Variants in CELF5 observed in about 807,000 individuals in gnomAD.
The protein encoded by CELF5 is CUGBP Elav-like family member 5.
In CELF5, 6 loss-of-function variants were observed where a neutral mutation model predicts 54.9. The observed-to-expected ratio is 0.11, with a 90% CI of 0.06 to 0.22. The LOEUF is 0.22. CELF5 is among the 10% of genes least tolerant of loss of function. The pLI, the probability that CELF5 is intolerant of heterozygous loss-of-function variation, is 1.00. For missense variants in CELF5, 401 were observed against 678.6 expected (o/e 0.59, Z 4.54); for synonymous variants, 271 against 290.9 (o/e 0.93, Z 0.70).
chr19:3,284,814 G>A (rs2145279922), intron 8 of CELF5, 88 bp from the exon 9 acceptor site: 6 of 1,149,152 alleles, frequency 5.2e-6, no homozygotes, highest in East Asian at 2.4e-5. Flanking sequence ...CGGGGTGTTT[G>A]TTGCTGTCCT....
chr19:3,239,114 T>C (rs2145011541), intron 1 of CELF5, among the ~76,000 whole-genome samples: 1 of 152,254 alleles, frequency 6.6e-6, no homozygotes. Flanking sequence ...ATTTTAATTT[T>C]TTTGAGACAG....
chr19:3,228,780 G>A lies in CELF5; in HGVS notation c.259+3782G>A, dbSNP rs1917087619. Among the ~76,000 whole-genome samples, 1 of 151,934 alleles carries A rather than the reference G, an allele frequency of 6.6e-6. No individual in the cohort carries two copies. Among genetic ancestry groups the A allele is most frequent in the Non-Finnish European group, 1.5e-5 (1 of 67,956 alleles). On this transcript the variant is annotated intron_variant, in intron 1 of 12. Coordinates refer to ENST00000292672, the MANE Select transcript of CELF5 (RefSeq NM_021938.4). This position sits in a 1 kb window ranked among gnomAD's most constrained non-coding sequence, Gnocchi z 6.0. ...CCAGCTCCAGGGAGAAGGCGGGCTG[G>A]GCGGCCTGGCGGGGGGACCGCGGGA...
At chr19:3,239,812 T>C (rs67459149) in intron 1 of CELF5, among the ~76,000 whole-genome samples, 23,362 of 151,780 alleles carry the variant, frequency 0.15, 2,057 homozygotes, top group East Asian at 0.24. Context: ...TGGCCTCCAG[T>C]CTTCTGTCCT....
At chr19:3,237,634 A>G (rs1248878417) in intron 1 of CELF5, among the ~76,000 whole-genome samples, 3 of 152,140 alleles carry the variant, frequency 2.0e-5, no homozygotes, top group African/African-American at 7.2e-5. Flanking sequence ...TTTCACCCCC[A>G]TCTTGGTTTG....
In CELF5 at chr19:3,281,397, C is replaced by G. The variant is rs1486674733; in HGVS notation, c.750+52C>G. 6.4e-7 allele frequency: 1 copy of G among 1,558,870 alleles called. No homozygotes were observed. The highest frequency in any genetic ancestry group is 1.3e-5 in the African/African-American group (1 of 74,218). On this transcript the variant is annotated intron_variant, in intron 6 of 12. Transcript: ENST00000292672. The surrounding 1 kb of genome is among the most constrained non-coding windows in gnomAD (Gnocchi z 6.5). Reference sequence around the variant, plus strand: ...GCTCCGGCTCCGTCTCTCTCAGTCTCTGTCTACTCTCTGTCGGGCTCCTGC... The same window carrying G: ...GCTCCGGCTCCGTCTCTCTCAGTCTGTGTCTACTCTCTGTCGGGCTCCTGC...
chr19:3,290,272 G>C lies in CELF5; in HGVS notation c.1228G>C (p.Glu410Gln). The change falls in exon 11 of 13, where the codon GAG (glutamate) becomes CAG (glutamine). Residue 410 changes from glutamate (E) to glutamine (Q), a missense_variant. Glu to Gln is a conservative substitution (Grantham distance 29, BLOSUM62 2). Coordinates refer to ENST00000292672, the MANE Select transcript of CELF5 (RefSeq NM_021938.4). ...CCTGTTTATCTACCACCTCCCCCAG[G>C]AGTTTGGAGACACGGAGCTGACGCA... The part of the protein sequence containing the change: ...CNLFIYHLPQ[E>Q]FGDTELTQMF... 6.2e-7 allele frequency: 1 copy of C among 1,613,958 alleles called. No homozygotes were observed. The highest frequency in any genetic ancestry group is 8.5e-7 in the Non-Finnish European group (1 of 1,179,926).
intron 1 of CELF5, among the ~76,000 whole-genome samples, chr19:3,231,002 G>A (rs1311604509): frequency 6.6e-6 from 1 of 152,218 alleles, no homozygotes; most frequent in African/African-American, 2.4e-5. Flanking sequence ...CGCTCTGGAA[G>A]GATAAAAAGA....
intron 1 of CELF5, among the ~76,000 whole-genome samples, chr19:3,236,228 C>T (rs185854084): frequency 2.0e-5 from 3 of 152,228 alleles, no homozygotes; most frequent in Admixed American, 2.0e-4. Flanking sequence ...TCTCGGTTTT[C>T]CTAGTGAAGT....
chr19:3,234,106 A>G (rs57340985), intron 1 of CELF5, among the ~76,000 whole-genome samples: 5,297 of 152,298 alleles, frequency 0.035, 231 homozygotes, highest in African/African-American at 0.1. Flanking sequence ...ACCAGAGGGC[A>G]TGCCTCTAGC....
At chr19:3,226,232 G>A (rs578013284) in intron 1 of CELF5, among the ~76,000 whole-genome samples, 51 of 151,574 alleles carry the variant, frequency 3.4e-4, no homozygotes, top group African/African-American at 1.2e-3. Context: ...CTGCGTGCCC[G>A]GTAAGCATGA....
chr19:3,293,674 G>T, intron 12 of CELF5, 188 bp downstream of exon 12: 1 of 554,430 alleles, frequency 1.8e-6, no homozygotes, highest in South Asian at 2.2e-5. Context: ...CTGTGGTTGG[G>T]GCTGGAGCAG....
At chr19:3,284,819 T>G in intron 8 of CELF5, 83 bp from the exon 9 acceptor site, 2 of 1,197,740 alleles carry the variant, frequency 1.7e-6, no homozygotes. Context: ...TGTTTGTTGC[T>G]GTCCTTGCGG....
At position 3,278,700 on chromosome 19, in the gene CELF5, T is replaced by TG. The variant is rs398033721; in HGVS notation, c.603+590_603+591insG. Among the ~76,000 whole-genome samples the TG allele has an allele frequency of 2.7e-3, 407 of 151,498 alleles. 7 individuals carry two copies. Among genetic ancestry groups the TG allele is most frequent in the Admixed American group, 0.024 (366 of 15,180 alleles). ...AGGTTTGTGTGTGTGTGTGTGTGTG[T>TG]TTGTGTGTGTGCATGACTGTGAGTG... On this transcript the variant is annotated intron_variant, in intron 5 of 12. Transcript: ENST00000292672. The surrounding 1 kb of genome is among the most constrained non-coding windows in gnomAD (Gnocchi z 4.5).
chr19:3,274,883 A>C (rs1041851422), intron 3 of CELF5, among the ~76,000 whole-genome samples: 1 of 151,234 alleles, frequency 6.6e-6, no homozygotes, highest in Admixed American at 6.6e-5. Flanking sequence ...GTATGTCTCC[A>C]TTTTTGTCTC....
chr19:3,236,340 A>G (rs1228503764), intron 1 of CELF5, among the ~76,000 whole-genome samples: 3 of 152,130 alleles, frequency 2.0e-5, no homozygotes, highest in South Asian at 2.1e-4. Flanking sequence ...TTTTCAGTGC[A>G]TGTGTGGCCT....
At chr19:3,226,027 T>G (rs945407595) in intron 1 of CELF5, among the ~76,000 whole-genome samples, 5 of 152,008 alleles carry the variant, frequency 3.3e-5, no homozygotes, top group African/African-American at 1.2e-4. Flanking sequence ...TTGGTTCCCA[T>G]CATGGGCCCA....
intron 2 of CELF5, among the ~76,000 whole-genome samples, chr19:3,266,706 TGA>T (rs1265317272): frequency 6.6e-6 from 1 of 152,140 alleles, no homozygotes; most frequent in Non-Finnish European, 1.5e-5. Context: ...TTGGCAAAGG[TGA>T]GACCTGTGGC....
intron 1 of CELF5, chr19:3,225,592 C>A: frequency 1.0e-6 from 1 of 983,386 alleles, no homozygotes; most frequent in Non-Finnish European, 1.2e-6. Context: ...GCGGGGGACA[C>A]GGATGCCCAG....
chr19:3,260,564 C>T (rs1658665126), intron 2 of CELF5, among the ~76,000 whole-genome samples: 1 of 151,934 alleles, frequency 6.6e-6, no homozygotes, highest in Non-Finnish European at 1.5e-5. Context: ...AAGCAATTCT[C>T]CTGCCTCAGC....
Sources: gnomAD v4.1 joint callset for allele counts (sites outside exome capture counted in the v4.1 genomes callset) on GRCh38, gnomAD v4.1.1 for gene constraint, Gnocchi (gnomAD v3.1) non-coding constraint, MANE v1.5 for transcripts, NCBI Gene and HGNC (gene_info 2026-07-23, HGNC 2026-07-21) for gene names.